The following PLCB4 variants were observed in gnomAD, a reference collection of about 807,000 sequenced individuals.
PLCB4 encodes the protein phospholipase C beta 4.
A neutral mutation model predicts 178.8 loss-of-function variants in PLCB4; 77 were observed. That is an observed-to-expected ratio of 0.43 (90% CI 0.36 to 0.52). The LOEUF is 0.52. Ranked by LOEUF, PLCB4 falls within the 20% of genes least tolerant of loss-of-function variation. The probability of loss-of-function intolerance (pLI) is 0.00; values close to 1 mark genes in which losing one functional copy is unlikely to be tolerated. For synonymous variants in PLCB4, 496 were observed against 490.8 expected (o/e 1.01, Z -0.14); for missense variants, 1,024 against 1,453.4 (o/e 0.70, Z 4.80).
intron 7 of PLCB4, 87 bp from the exon 8 acceptor site, chr20:9,362,808 CA>C: frequency 1.3e-6 from 1 of 783,054 alleles, no homozygotes; most frequent in Non-Finnish European, 2.2e-6. Context: ...TTTTATTACA[CA>C]AAATGGATAC....
chr20:9,269,078 T>C (rs2094377936), intron 3 of PLCB4, among the ~76,000 whole-genome samples: 1 of 152,226 alleles, frequency 6.6e-6, no homozygotes, highest in Non-Finnish European at 1.5e-5. Context: ...GGCTTATTCC[T>C]AATACTTTAG....
intron 4 of PLCB4, among the ~76,000 whole-genome samples, chr20:9,327,620 C>CA (rs199942810): frequency 0.036 from 5,444 of 150,554 alleles, 345 homozygotes; most frequent in African/African-American, 0.13. Context: ...ACTAAAAATA[C>CA]AAAAAATTAG....
At chr20:9,240,109 G>A (rs1002839159) in intron 3 of PLCB4, among the ~76,000 whole-genome samples, 1 of 152,100 alleles carries the variant, frequency 6.6e-6, no homozygotes, top group Non-Finnish European at 1.5e-5. Flanking sequence ...ACAATACTTT[G>A]CATCCTTCAA....
rs544830170 is a variant in PLCB4 at position 9,276,196 on chromosome 20, C to T, written c.-15-31604C>T. ...GGTTGATGCAACTGCCACATGTTTT[C>T]GTTTATTCAGGAATCCAGGCTGATG... On this transcript the variant is annotated intron_variant, in intron 3 of 39. Transcript: ENST00000378473. Among the ~76,000 whole-genome samples the T allele has an allele frequency of 1.2e-4, 18 of 152,160 alleles. No individual in the cohort carries two copies. The South Asian group carries it at 1.2e-3, about 11-fold the overall frequency.
intron 1 of PLCB4, among the ~76,000 whole-genome samples, chr20:9,091,627 G>A (rs2090682054): frequency 6.6e-6 from 1 of 150,698 alleles, no homozygotes; most frequent in South Asian, 2.1e-4. Flanking sequence ...GGAAAGGGGA[G>A]AGACTAGTGC....
chr20:9,450,785 A>C (rs943462854), intron 32 of PLCB4, among the ~76,000 whole-genome samples: 2 of 148,616 alleles, frequency 1.3e-5, no homozygotes, highest in Non-Finnish European at 3.0e-5. Context: ...AGTAGCTGGG[A>C]TTACAGGAGT....
intron 2 of PLCB4, among the ~76,000 whole-genome samples, chr20:9,123,988 G>C (rs1033459801): frequency 7.2e-5 from 11 of 151,970 alleles, no homozygotes; most frequent in African/African-American, 2.7e-4. Flanking sequence ...TGTGGGACTG[G>C]GTTCCAACAC....
chr20:9,414,592 G>C (rs1017603447), intron 25 of PLCB4, among the ~76,000 whole-genome samples: 10 of 152,208 alleles, frequency 6.6e-5, no homozygotes, highest in Non-Finnish European at 1.5e-4. Flanking sequence ...AGTGTGCAAA[G>C]TACACAAACA....
intron 33 of PLCB4, among the ~76,000 whole-genome samples, chr20:9,456,947 A>G (rs2043094940): frequency 6.6e-6 from 1 of 152,214 alleles, no homozygotes; most frequent in Admixed American, 6.5e-5. Context: ...CAATAGAATA[A>G]GAAGCAAAAA....
At chr20:9,324,741 G>A (rs1246807048) in intron 4 of PLCB4, among the ~76,000 whole-genome samples, 1 of 152,092 alleles carries the variant, frequency 6.6e-6, no homozygotes, top group African/African-American at 2.4e-5. Flanking sequence ...AATAAAAAGT[G>A]ACAGAGCCAG....
At chr20:9,377,710 A>G (rs955821207) in intron 12 of PLCB4, among the ~76,000 whole-genome samples, 3 of 152,206 alleles carry the variant, frequency 2.0e-5, no homozygotes, top group Non-Finnish European at 2.9e-5. Context: ...TTGTTTTGCC[A>G]TAGGCAGGAT....
intron 36 of PLCB4, among the ~76,000 whole-genome samples, chr20:9,469,798 G>A (rs2044059237): frequency 6.6e-6 from 1 of 152,220 alleles, no homozygotes; most frequent in Admixed American, 6.5e-5. Flanking sequence ...AGCTGGTGAA[G>A]GGGATCTGAG....
intron 35 of PLCB4, among the ~76,000 whole-genome samples, chr20:9,467,368 G>A (rs898026289): frequency 6.6e-6 from 1 of 152,208 alleles, no homozygotes; most frequent in Non-Finnish European, 1.5e-5. Flanking sequence ...CATGGCACAT[G>A]TATACCTATG....
intron 2 of PLCB4, among the ~76,000 whole-genome samples, chr20:9,181,006 G>C (rs541867899): frequency 1.3e-4 from 20 of 152,252 alleles, no homozygotes; most frequent in Admixed American, 1.3e-4. Context: ...TAAGCTGCAG[G>C]ACCCATATGT....
intron 3 of PLCB4, among the ~76,000 whole-genome samples, chr20:9,221,836 A>G (rs1464541945): frequency 6.6e-6 from 1 of 152,136 alleles, no homozygotes; most frequent in East Asian, 1.9e-4. Flanking sequence ...ATGTGATTGT[A>G]TGATTGGAGA....
At chr20:9,311,621 T>C (rs2094835324) in intron 4 of PLCB4, among the ~76,000 whole-genome samples, 1 of 152,172 alleles carries the variant, frequency 6.6e-6, no homozygotes, top group Non-Finnish European at 1.5e-5. Flanking sequence ...ACATTTTCTG[T>C]CTCTCAATCT....
chr20:9,382,460 A>C, intron 13 of PLCB4, among the ~76,000 whole-genome samples: 1 of 152,204 alleles, frequency 6.6e-6, no homozygotes, highest in East Asian at 1.9e-4. Flanking sequence ...GTGAGGACTA[A>C]AGCCCAAGTG....
intron 2 of PLCB4, among the ~76,000 whole-genome samples, chr20:9,151,897 A>G (rs959589973): frequency 6.6e-6 from 1 of 152,164 alleles, no homozygotes; most frequent in Non-Finnish European, 1.5e-5. Flanking sequence ...TGATAGTGAT[A>G]TAGACAATAA....
chr20:9,368,239 C>G (rs778808757), intron 9 of PLCB4, among the ~76,000 whole-genome samples: 5 of 152,162 alleles, frequency 3.3e-5, no homozygotes, highest in Non-Finnish European at 7.3e-5. Flanking sequence ...CAGGAAGTTG[C>G]AGGAATAACA....
Sources: allele counts gnomAD v4.1 joint callset (sites outside exome capture counted in the v4.1 genomes callset), GRCh38; gene constraint gnomAD v4.1.1; transcripts MANE v1.5; gene names NCBI Gene and HGNC (gene_info 2026-07-23, HGNC 2026-07-21).